The following TRIM66 variants were observed in gnomAD, a reference collection of about 807,000 sequenced individuals.
TRIM66 encodes tripartite motif-containing protein 66.
A neutral mutation model predicts 148.2 loss-of-function variants in TRIM66; 99 were observed. The observed-to-expected ratio is 0.67, with a 90% CI of 0.57 to 0.79. TRIM66 has a LOEUF of 0.79. Among genes scored for constraint, TRIM66 ranks in the 30% least tolerant of loss-of-function variants. TRIM66 has a pLI of 0.00. For missense variants in TRIM66, 1,666 were observed against 1,697.9 expected, an observed-to-expected ratio of 0.98 and a Z score of 0.33; for synonymous variants, 616 against 635.9, an observed-to-expected ratio of 0.97 and a Z score of 0.47.
intron 16 of TRIM66, 80 bp from the exon 17 acceptor site, chr11:8,624,631 G>A (rs556466016): frequency 4.7e-6 from 7 of 1,478,030 alleles, no homozygotes; most frequent in Non-Finnish European, 6.3e-6. Flanking sequence ...GTTAAGCTAA[G>A]GTCAGAATAA....
At chr11:8,640,069 T>C (rs1299942854) in intron 14 of TRIM66, among the ~76,000 whole-genome samples, 158 bp downstream of exon 14, 1 of 152,056 alleles carries the variant, frequency 6.6e-6, no homozygotes, top group Non-Finnish European at 1.5e-5. Flanking sequence ...AGGTGGGAGG[T>C]TGAGCCCAGC....
At chr11:8,650,020 G>C (rs2037218462) in intron 7 of TRIM66, 133 bp from the exon 8 acceptor site, 1 of 1,057,486 alleles carries the variant, frequency 9.5e-7, no homozygotes, top group African/African-American at 1.6e-5. Context: ...CTATTCTGCA[G>C]AGCTGTCTGG....
intron 6 of TRIM66, among the ~76,000 whole-genome samples, chr11:8,665,230 C>A (rs1276612848): frequency 6.6e-6 from 1 of 152,166 alleles, no homozygotes; most frequent in Non-Finnish European, 1.5e-5. Flanking sequence ...TCTCTCCAAA[C>A]ATGGCTTCTC....
chr11:8,682,971 G>T (rs192404439), upstream of TRIM66: 45 of 1,064,396 alleles, frequency 4.2e-5, no homozygotes, highest in Admixed American at 7.9e-4. Context: ...GGCCCGGGGC[G>T]GGGCTCCCGG....
At chr11:8,659,949 C>A (rs1045895023) in intron 6 of TRIM66, among the ~76,000 whole-genome samples, 1 of 152,156 alleles carries the variant, frequency 6.6e-6, no homozygotes, top group African/African-American at 2.4e-5. Flanking sequence ...ATGATCATGG[C>A]TCACTGCAGC....
In TRIM66 at chr11:8,625,055, G is replaced by A; in HGVS notation, c.2484C>T (p.Ser828=). 1.3e-6 allele frequency: 2 copies of A among 1,551,764 alleles called. No homozygotes were observed. The highest frequency in any genetic ancestry group is 1.7e-6 in the Non-Finnish European group (2 of 1,147,012). Residue 828 remains serine, a synonymous_variant, in exon 16 of 25, where the codon AGC becomes AGT. Coordinates refer to ENST00000646038, the MANE Select transcript of TRIM66 (RefSeq NM_001388022.1). ...LLSAPPKMVS[S]LTSVQNQAMP... is the part of the protein sequence containing the mutation. The stretch of plus-strand genomic sequence containing the variant: ...TGGCCTGGTTTTGAACACTTGTCAG[G>A]CTGGACACCATTTTGGGGGGAGCAC...
intron 6 of TRIM66, among the ~76,000 whole-genome samples, chr11:8,669,738 G>A (rs1306502744): frequency 1.3e-5 from 2 of 152,118 alleles, no homozygotes; most frequent in African/African-American, 4.8e-5. Flanking sequence ...AGGGCTGTGG[G>A]GCCAGGGTCA....
intron 15 of TRIM66, among the ~76,000 whole-genome samples, chr11:8,625,580 A>G (rs192480879): frequency 1.3e-5 from 2 of 148,954 alleles, no homozygotes; most frequent in Admixed American, 1.3e-4. Flanking sequence ...ACACACACAC[A>G]CAGCCATATC....
chr11:8,625,183 T>C lies in TRIM66; in HGVS notation c.2356A>G (p.Met786Val), dbSNP rs1015062384. The C allele has an allele frequency of 5.9e-6, 9 of 1,531,090 alleles. No individual in the cohort carries two copies. Among genetic ancestry groups the C allele is most frequent in the Non-Finnish European group, 7.9e-6 (9 of 1,135,286 alleles). The allele number at this position is 1,531,090 out of a possible 1,614,324, so 94.8% of individuals were successfully genotyped here. The change falls in exon 16 of 25, where the codon ATG (methionine) becomes GTG (valine). Residue 786 changes from methionine to valine, a missense_variant. Met to Val is a conservative substitution (Grantham distance 21). Transcript: ENST00000646038. ...TCCAACCTGGTAGATGACAACTCCA[T>C]CTCCAGAGTGTTGGAAAAGCCCATG... ...SIMGFSNTLE[M>V]ELSSTRLERP...
chr11:8,644,309 T>A (rs1247231469), intron 12 of TRIM66: 4 of 407,374 alleles, frequency 9.8e-6, no homozygotes, highest in Non-Finnish European at 1.9e-5. Flanking sequence ...GCAGCACCCC[T>A]CAGCCCTTTC....
chr11:8,620,271 G>C (rs987301637), intron 21 of TRIM66, 147 bp from the exon 22 acceptor site: 1 of 1,337,626 alleles, frequency 7.5e-7, no homozygotes, highest in Admixed American at 2.4e-5. Flanking sequence ...CCAAGCCAGA[G>C]GAAAACTGCT....
chr11:8,619,958 A>G (rs920474603), intron 22 of TRIM66, 92 bp downstream of exon 22: 1 of 1,175,894 alleles, frequency 8.5e-7, no homozygotes, highest in Non-Finnish European at 1.2e-6. Flanking sequence ...TTGTGACTCT[A>G]GAAAAACAGG....
intron 11 of TRIM66, 123 bp downstream of exon 11, chr11:8,646,324 G>T: frequency 1.3e-6 from 1 of 776,686 alleles, no homozygotes; most frequent in Non-Finnish European, 2.1e-6. Flanking sequence ...AATACAGGGA[G>T]CAGCACAGAG....
In TRIM66 at chr11:8,620,144, A is replaced by AACAGAGTCAC; in HGVS notation, c.3673-30_3673-21dup. Reference sequence around the variant, plus strand: ...ACACTTCTGCAAAATCAGAATTGGCAACAGAGTCACTTTGTTCTGGTCTCA... The same window carrying AACAGAGTCAC: ...ACACTTCTGCAAAATCAGAATTGGCAACAGAGTCACACAGAGTCACTTTGTTCTGGTCTCA... On this transcript the variant is annotated intron_variant, in intron 21 of 24. Transcript: ENST00000646038. 3 of 1,550,560 alleles carry AACAGAGTCAC rather than the reference A, an allele frequency of 1.9e-6. No individual in the cohort carries two copies. The highest frequency in any genetic ancestry group is 2.6e-6 in the Non-Finnish European group (3 of 1,145,962).
chr11:8,638,061 G>A (rs144650855), intron 15 of TRIM66, among the ~76,000 whole-genome samples: 87 of 152,316 alleles, frequency 5.7e-4, no homozygotes, highest in African/African-American at 2.1e-3. Context: ...TGTCTCAGCT[G>A]CTCATCTACC....
At chr11:8,644,996 T>TGACCACTGCTTCTCACTCTCC (rs1385078058) in intron 12 of TRIM66, among the ~76,000 whole-genome samples, 2 of 152,346 alleles carry the variant, frequency 1.3e-5, no homozygotes, top group Non-Finnish European at 2.9e-5. Context: ...TTCTCACCTC[T>TGACCACTGCTTCTCACTCTCC]GACCACTGCT....
chr11:8,661,432 G>C (rs550281505), intron 6 of TRIM66, among the ~76,000 whole-genome samples: 348 of 152,344 alleles, frequency 2.3e-3, no homozygotes, highest in Non-Finnish European at 4.1e-3. Context: ...ACTGACCGAG[G>C]TAGCACCTCT....
intron 18 of TRIM66, among the ~76,000 whole-genome samples, chr11:8,622,301 ATG>A (rs564208349): frequency 1.4e-5 from 2 of 141,508 alleles, no homozygotes; most frequent in South Asian, 2.3e-4. Flanking sequence ...GTATATATAT[ATG>A]TGTGTGTGTA....
intron 1 of TRIM66, among the ~76,000 whole-genome samples, chr11:8,681,308 T>C (rs2133590285): frequency 6.6e-6 from 1 of 152,134 alleles, no homozygotes; most frequent in Admixed American, 6.5e-5. Flanking sequence ...TAATTTTTTG[T>C]ATTTTTAGTA....
Sources: gnomAD v4.1 joint callset for allele counts (sites outside exome capture counted in the v4.1 genomes callset) on GRCh38, gnomAD v4.1.1 for gene constraint, MANE v1.5 for transcripts, NCBI Gene and HGNC (gene_info 2026-07-23, HGNC 2026-07-21) for gene names.